The following ARIH1 variants were observed in gnomAD, a reference collection of about 807,000 sequenced individuals.
ARIH1 encodes the protein ariadne RBR E3 ubiquitin protein ligase 1.
A neutral mutation model predicts 85.0 loss-of-function variants in ARIH1; 8 were observed. That is an observed-to-expected ratio of 0.09 (90% CI 0.06 to 0.17). The LOEUF is 0.17. Ranked by LOEUF, ARIH1 falls within the 10% of genes least tolerant of loss-of-function variation. The pLI, the probability that ARIH1 is intolerant of heterozygous loss-of-function variation, is 1.00. For missense variants in ARIH1, 311 were observed against 718.1 expected (o/e 0.43, Z 6.48); for synonymous variants, 238 against 253.6 (o/e 0.94, Z 0.59).
intron 2 of ARIH1, among the ~76,000 whole-genome samples, chr15:72,523,036 C>T (rs1048345953): frequency 2.6e-5 from 4 of 152,134 alleles, no homozygotes; most frequent in African/African-American, 7.2e-5. Context: ...CATCATTTCT[C>T]GTGGGAACGC....
chr15:72,570,242 C>T lies in ARIH1; in HGVS notation c.1092C>T (p.Asn364=), dbSNP rs1332219583. ...DGGCNHMVCR[N]QNCKAEFCWV... Reference sequence around the variant, plus strand: ...GTTGTAATCACATGGTCTGTCGTAACCAGAATTGTAAAGCAGAGTTTTGCT... The same window carrying T: ...GTTGTAATCACATGGTCTGTCGTAATCAGAATTGTAAAGCAGAGTTTTGCT... The change falls in exon 10 of 14, where the codon AAC becomes AAT. Residue 364 remains asparagine, a synonymous_variant. Transcript: ENST00000379887. The T allele has an allele frequency of 1.9e-6, 3 of 1,613,880 alleles. No homozygotes were observed. Among genetic ancestry groups the T allele is most frequent in the African/African-American group, 2.7e-5 (2 of 74,880 alleles).
At chr15:72,560,874 T>G (rs534104238) in intron 5 of ARIH1, among the ~76,000 whole-genome samples, 26 of 152,324 alleles carry the variant, frequency 1.7e-4, no homozygotes, top group Middle Eastern at 3.4e-3. Context: ...AAACTTAAAC[T>G]TCAGGATTCC....
chr15:72,493,716 A>C (rs190166085), intron 1 of ARIH1, among the ~76,000 whole-genome samples: 2 of 152,310 alleles, frequency 1.3e-5, no homozygotes, highest in East Asian at 3.9e-4. Flanking sequence ...TGCATTGCAA[A>C]CTTATCTTTG....
chr15:72,500,468 G>A, intron 1 of ARIH1, among the ~76,000 whole-genome samples: 1 of 152,126 alleles, frequency 6.6e-6, no homozygotes, highest in South Asian at 2.1e-4. Flanking sequence ...AATCCATTGT[G>A]CTGGATCTTC....
chr15:72,513,156 C>T (rs1229493008), intron 1 of ARIH1, among the ~76,000 whole-genome samples: 1 of 152,162 alleles, frequency 6.6e-6, no homozygotes, highest in African/African-American at 2.4e-5. Context: ...AACATTTACA[C>T]TTGATGTAAT....
intron 5 of ARIH1, among the ~76,000 whole-genome samples, chr15:72,559,879 G>C (rs2064190584): frequency 6.6e-6 from 1 of 152,036 alleles, no homozygotes; most frequent in Non-Finnish European, 1.5e-5. Context: ...TTTCATTGCT[G>C]AATAATGGTT....
intron 1 of ARIH1, among the ~76,000 whole-genome samples, chr15:72,488,954 T>A (rs541500032): frequency 6.6e-6 from 1 of 152,274 alleles, no homozygotes; most frequent in East Asian, 1.9e-4. Context: ...TTAAAGACAG[T>A]GGAATCACCC....
chr15:72,474,938 G>A lies in ARIH1; in HGVS notation c.299G>A (p.Arg100His), dbSNP rs368784844. 1.4e-5 allele frequency: 21 copies of A among 1,546,764 alleles called. No homozygotes were observed. The African/African-American group carries it at 2.8e-4, about 20-fold the overall frequency. Residue 100 changes from arginine to histidine, a missense_variant, in exon 1 of 14, where the codon CGC becomes CAC. Physicochemically the swap from Arg to His is conservative, Grantham distance 29. Around this residue, in one of 3 missense-constraint regions of ARIH1, gnomAD observed 157 missense variants for 185.1 expected, o/e 0.85. Coordinates refer to ENST00000379887, the MANE Select transcript of ARIH1 (RefSeq NM_005744.5). ...GGGCATGAGCAGGAGGAGGATTACCGCTACGAGGTGCTCACGGCCGAGCAG... is the reference window on the plus strand; with the variant it reads ...GGGCATGAGCAGGAGGAGGATTACCACTACGAGGTGCTCACGGCCGAGCAG... ...GPGHEQEEDY[R>H]YEVLTAEQIL... is the part of the protein sequence containing the mutation.
chr15:72,510,373 C>G (rs762040190), intron 1 of ARIH1, among the ~76,000 whole-genome samples: 1 of 152,094 alleles, frequency 6.6e-6, no homozygotes, highest in Non-Finnish European at 1.5e-5. Flanking sequence ...AGGTCACAAA[C>G]ATTTTCTTTA....
chr15:72,509,251 A>G (rs1246931994), intron 1 of ARIH1, among the ~76,000 whole-genome samples: 1 of 152,094 alleles, frequency 6.6e-6, no homozygotes, highest in Non-Finnish European at 1.5e-5. Context: ...CGGTCTCCCA[A>G]AGTGGTGGGA....
At chr15:72,526,462 G>C (rs1029433371) in intron 2 of ARIH1, among the ~76,000 whole-genome samples, 1 of 152,132 alleles carries the variant, frequency 6.6e-6, no homozygotes, top group Admixed American at 6.6e-5. Flanking sequence ...AGGTACAGTG[G>C]TTCAACCCTG....
At chr15:72,546,870 G>C (rs1360542618) in intron 3 of ARIH1, among the ~76,000 whole-genome samples, 1 of 148,582 alleles carries the variant, frequency 6.7e-6, no homozygotes, top group Non-Finnish European at 1.5e-5. Flanking sequence ...CATTATAGGT[G>C]TGAGCCACCA....
intron 2 of ARIH1, among the ~76,000 whole-genome samples, chr15:72,528,464 C>A (rs2064039955): frequency 1.3e-5 from 2 of 152,102 alleles, no homozygotes; most frequent in Admixed American, 1.3e-4. Flanking sequence ...TCATAATTAG[C>A]CTCAGGGATG....
At chr15:72,526,860 CTT>C (rs58241698) in intron 2 of ARIH1, among the ~76,000 whole-genome samples, 32 of 138,144 alleles carry the variant, frequency 2.3e-4, no homozygotes, top group African/African-American at 5.9e-4. Flanking sequence ...CTGTCTAATG[CTT>C]TTTTTTTTTT....
chr15:72,556,047 C>T, intron 5 of ARIH1, 140 bp downstream of exon 5: 1 of 649,062 alleles, frequency 1.5e-6, no homozygotes, highest in Non-Finnish European at 2.6e-6. Context: ...AGTAGTAGTA[C>T]AAAAGCCCAT....
chr15:72,544,946 C>A lies in ARIH1; in HGVS notation c.570C>A (p.Tyr190Ter). The A allele has an allele frequency of 6.2e-7, 1 of 1,603,814 alleles. No individual in the cohort carries two copies. Among genetic ancestry groups the A allele is most frequent in the Non-Finnish European group, 8.5e-7 (1 of 1,172,682 alleles). ...AGGATATGCCTTGTCAGATCTGCTA[C>A]TTGAACTACCCTAACTCGGTGAGTA... ...SAQDMPCQIC[Y>*]LNYPNSYFTG... The change falls in exon 3 of 14, where the codon TAC becomes TAA. Residue 190 changes from tyrosine (Y) to a stop codon, truncating the protein, a stop_gained. Transcript: ENST00000379887. LOFTEE classifies it high-confidence loss of function.
At chr15:72,509,780 A>T (rs2063941990) in intron 1 of ARIH1, among the ~76,000 whole-genome samples, 1 of 151,884 alleles carries the variant, frequency 6.6e-6, no homozygotes, top group Non-Finnish European at 1.5e-5. Flanking sequence ...TTTTTAGTAG[A>T]GGTCTTGCTT....
chr15:72,552,454 G>GT (rs1185433973), intron 3 of ARIH1, among the ~76,000 whole-genome samples: 3 of 151,966 alleles, frequency 2.0e-5, no homozygotes, highest in Admixed American at 6.6e-5. Flanking sequence ...CACCTGGCTA[G>GT]TTTTTTTGTA....
rs182341134 is a variant in ARIH1 at position 72,515,508 on chromosome 15, G to A, written c.376-2559G>A. On this transcript the variant is annotated intron_variant, in intron 1 of 13. Transcript: ENST00000379887. ...TGTGTTTGGTAGTTTAGATTCTATC[G>A]CGGACATTTTGAATATTGTATTGTG... Among the ~76,000 whole-genome samples the A allele has an allele frequency of 9.1e-4, 138 of 152,142 alleles. 1 individual carries two copies. Among genetic ancestry groups the A allele is most frequent in the Admixed American group, 3.0e-3 (46 of 15,282 alleles).
Sources: gnomAD v4.1 joint callset for allele counts (sites outside exome capture counted in the v4.1 genomes callset) on GRCh38, gnomAD v4.1.1 for gene constraint, gnomAD v4.1.1 regional missense constraint, MANE v1.5 for transcripts, NCBI Gene and HGNC (gene_info 2026-07-23, HGNC 2026-07-21) for gene names.